Variants in UPP2 observed in about 807,000 individuals in gnomAD.
UPP2 encodes the protein uridine phosphorylase 2, also known as UPase 2.
UPP2 carries 23 observed loss-of-function variants against 26.7 expected under a neutral mutation model. The ratio of observed to expected loss-of-function variants is 0.86; its 90% CI spans 0.62 to 1.22. UPP2 has a LOEUF of 1.22. Ranked by LOEUF, UPP2 falls within the 50% of genes most tolerant of loss-of-function variation. UPP2 has a pLI of 0.00. For synonymous variants in UPP2, 127 were observed against 141.3 expected, an observed-to-expected ratio of 0.90 and a Z score of 0.72; for missense variants, 387 against 396.7, an observed-to-expected ratio of 0.98 and a Z score of 0.21.
intron 5 of UPP2, 107 bp from the exon 6 acceptor site, chr2:158,123,642 T>A (rs1683624509): frequency 7.6e-7 from 1 of 1,322,378 alleles, no homozygotes; most frequent in East Asian, 2.4e-5. Context: ...GAGCACGCTG[T>A]AGAGTTAGAC....
At chr2:158,064,151 G>T (rs1278089756) in intron 3 of UPP2, among the ~76,000 whole-genome samples, 4 of 152,198 alleles carry the variant, frequency 2.6e-5, no homozygotes, top group Non-Finnish European at 5.9e-5. Flanking sequence ...TCTAGTTCTA[G>T]ATCCTTGAAG....
rs1036947960 is a variant in UPP2, at chr2:158,004,732, C to T, written c.61+9473C>T. ...TGTCCCTTTCCTTCATAAAGAAATG[C>T]AATTTGGTAACTTTTTTTAAAGTTT... On this transcript the variant is annotated intron_variant, in intron 2 of 9. Coordinates refer to the UPP2 transcript ENST00000605860. Among the ~76,000 whole-genome samples the T allele has an allele frequency of 9.2e-5, 14 of 152,280 alleles. 1 individual carries two copies. The highest frequency in any genetic ancestry group is 3.1e-4 in the African/African-American group (13 of 41,556).
chr2:158,095,575 C>T (rs778262386), intron 3 of UPP2, among the ~76,000 whole-genome samples: 3 of 152,200 alleles, frequency 2.0e-5, no homozygotes, highest in Non-Finnish European at 2.9e-5. Context: ...TAGATCTGAA[C>T]TCCAATCTCC....
At chr2:158,007,945 A>G (rs1683518518) in intron 2 of UPP2, among the ~76,000 whole-genome samples, 1 of 152,182 alleles carries the variant, frequency 6.6e-6, no homozygotes, top group Non-Finnish European at 1.5e-5. Context: ...CTCTATTTTC[A>G]TTAACCAGAT....
At chr2:158,089,748 CCTT>C (rs1159396997) in intron 3 of UPP2, among the ~76,000 whole-genome samples, 11 of 152,212 alleles carry the variant, frequency 7.2e-5, no homozygotes, top group Non-Finnish European at 1.2e-4. Flanking sequence ...AAGGTCAAAT[CCTT>C]CTCCTGTGAT....
intron 4 of UPP2, among the ~76,000 whole-genome samples, chr2:158,119,084 G>A (rs7585982): frequency 0.56 from 84,287 of 151,774 alleles, 24,137 homozygotes; most frequent in Middle Eastern, 0.59. Flanking sequence ...GTAGGGAACT[G>A]CTCATTTGGG....
chr2:158,109,017 TG>T (rs1309397035), intron 2 of UPP2, among the ~76,000 whole-genome samples: 1 of 151,706 alleles, frequency 6.6e-6, no homozygotes, highest in African/African-American at 2.4e-5. Flanking sequence ...CAAGGCAGCG[TG>T]TAAAGTCTGA....
At chr2:158,043,445 T>C (rs1054314091) in intron 3 of UPP2, among the ~76,000 whole-genome samples, 1 of 152,200 alleles carries the variant, frequency 6.6e-6, no homozygotes, top group Admixed American at 6.5e-5. Context: ...GTAGAGTCTC[T>C]GGGAAAGCAT....
chr2:158,011,311 G>T (rs572537177), intron 2 of UPP2, among the ~76,000 whole-genome samples: 2 of 152,192 alleles, frequency 1.3e-5, no homozygotes, highest in South Asian at 2.1e-4. Context: ...CTGACACAGG[G>T]TTCTGAATGC....
At chr2:158,034,189 G>T (rs1012529503) in intron 3 of UPP2, among the ~76,000 whole-genome samples, 2 of 152,104 alleles carry the variant, frequency 1.3e-5, no homozygotes, top group African/African-American at 4.8e-5. Context: ...TGCTCTTCAT[G>T]GTGTTCCTTC....
intron 6 of UPP2, among the ~76,000 whole-genome samples, chr2:158,125,220 T>G (rs1213040711): frequency 6.6e-6 from 1 of 152,108 alleles, no homozygotes; most frequent in East Asian, 1.9e-4. Context: ...CTTGTCCTTA[T>G]AGTCAATGAA....
intron 3 of UPP2, among the ~76,000 whole-genome samples, chr2:158,082,256 C>T (rs1314768003): frequency 6.6e-6 from 1 of 152,132 alleles, no homozygotes; most frequent in Non-Finnish European, 1.5e-5. Flanking sequence ...GGTCTGGTTA[C>T]ATGAATAAGT....
At position 158,119,292 on chromosome 2, in the gene UPP2, G is replaced by C. The variant is rs894922850; in HGVS notation, c.454+1354G>C. On this transcript the variant is annotated intron_variant, in intron 4 of 6. Transcript: ENST00000005756. ...TCTTGATTAGGGTATTTTATTTCATGGCAACACGATACATATAGCACACAA... is the reference window on the plus strand; with the variant it reads ...TCTTGATTAGGGTATTTTATTTCATCGCAACACGATACATATAGCACACAA... Among the ~76,000 whole-genome samples the C allele has an allele frequency of 3.3e-5, 5 of 152,116 alleles. No individual in the cohort carries two copies. The East Asian group carries it at 5.8e-4, about 18-fold the overall frequency.
chr2:157,995,469 TAGCTA>T (rs1558898230), intron 2 of UPP2, among the ~76,000 whole-genome samples: 3 of 152,212 alleles, frequency 2.0e-5, no homozygotes, highest in Admixed American at 1.3e-4. Flanking sequence ...GAAATTCAGG[TAGCTA>T]CTACAGACGA....
chr2:158,117,156 A>G (rs1482891710), intron 3 of UPP2, among the ~76,000 whole-genome samples: 1 of 152,032 alleles, frequency 6.6e-6, no homozygotes, highest in Non-Finnish European at 1.5e-5. Flanking sequence ...GACATTGTGT[A>G]GCCACCAGGA....
chr2:158,134,166 T>C lies in UPP2; in HGVS notation c.812-582T>C, dbSNP rs182865464. ...CTCTTTCATGGTGCTGCTTCTTACATTTAAGCATTTCATATCATGTTTTTT... is the reference window on the plus strand; with the variant it reads ...CTCTTTCATGGTGCTGCTTCTTACACTTAAGCATTTCATATCATGTTTTTT... On this transcript the variant is annotated intron_variant, in intron 6 of 6. Coordinates refer to ENST00000005756, the MANE Select transcript of UPP2 (RefSeq NM_173355.4). Among the ~76,000 whole-genome samples the C allele has an allele frequency of 9.2e-5, 14 of 152,358 alleles. No individual in the cohort carries two copies. In the East Asian group the frequency reaches 2.7e-3, roughly 29 times the overall value.
chr2:158,058,104 T>C (rs371533655), intron 3 of UPP2, among the ~76,000 whole-genome samples: 2 of 151,838 alleles, frequency 1.3e-5, no homozygotes, highest in African/African-American at 2.4e-5. Flanking sequence ...CCATCCTAGC[T>C]AACACGATGA....
At chr2:158,119,421 T>A (rs897655311) in intron 4 of UPP2, among the ~76,000 whole-genome samples, 3 of 152,054 alleles carry the variant, frequency 2.0e-5, no homozygotes, top group African/African-American at 4.8e-5. Flanking sequence ...CAAAAAGATG[T>A]ATTTGCTTAT....
At chr2:158,094,298 ACTACACAGGCATCTAATATAT>A (rs1438255584) in intron 3 of UPP2, among the ~76,000 whole-genome samples, 2 of 152,110 alleles carry the variant, frequency 1.3e-5, no homozygotes, top group African/African-American at 4.8e-5. Flanking sequence ...TTGGGTAGTA[ACTACACAGGCATCTAATATAT>A]CTGTACCTTT....
Sources: gnomAD v4.1 joint callset for allele counts (sites outside exome capture counted in the v4.1 genomes callset) on GRCh38, gnomAD v4.1.1 for gene constraint, MANE v1.5 for transcripts, NCBI Gene and HGNC (gene_info 2026-07-23, HGNC 2026-07-21) for gene names.